The following DSCAM variants were observed in gnomAD, a reference collection of about 807,000 sequenced individuals.
DSCAM encodes the protein cell adhesion molecule DSCAM.
DSCAM carries 47 observed loss-of-function variants against 217.7 expected under a neutral mutation model. The observed-to-expected ratio is 0.22, with a 90% CI of 0.17 to 0.28. The LOEUF (loss-of-function observed/expected upper bound fraction) is 0.28, where lower values mean the gene tolerates loss of function less well. Among genes scored for constraint, DSCAM ranks in the 10% least tolerant of loss-of-function variants. DSCAM has a pLI of 1.00. For missense variants in DSCAM, 2,080 were observed against 2,618.3 expected (o/e 0.79, Z 4.49); for synonymous variants, 1,056 against 1,015.3 (o/e 1.04, Z -0.76).
intron 11 of DSCAM, among the ~76,000 whole-genome samples, chr21:40,252,033 G>A (rs543130230): frequency 1.6e-3 from 236 of 152,226 alleles, no homozygotes; most frequent in Non-Finnish European, 2.5e-3. Context: ...ATCCCCACTT[G>A]AGCCTTCAGA....
In DSCAM at chr21:40,144,323, C is replaced by G. The variant is rs904617560; in HGVS notation, c.3259+168G>C. Among the ~76,000 whole-genome samples the G allele has an allele frequency of 1.3e-5, 2 of 152,058 alleles. No individual in the cohort carries two copies. Among genetic ancestry groups the G allele is most frequent in the African/African-American group, 4.8e-5 (2 of 41,418 alleles). Reference sequence around the variant, plus strand: ...CCCTGCCCCAGGGCGGGCAGATCAGCGGGGTGGGCGAGGTCACGAGGGAAG... The same window carrying G: ...CCCTGCCCCAGGGCGGGCAGATCAGGGGGGTGGGCGAGGTCACGAGGGAAG... On this transcript the variant is annotated intron_variant, in intron 17 of 32. Coordinates refer to ENST00000400454, the MANE Select transcript of DSCAM (RefSeq NM_001389.5). This position sits in a 1 kb window ranked among gnomAD's most constrained non-coding sequence, Gnocchi z 4.8.
intron 29 of DSCAM, among the ~76,000 whole-genome samples, 168 bp from the exon 30 acceptor site, chr21:40,052,275 A>G (rs957260928): frequency 6.6e-6 from 1 of 152,204 alleles, no homozygotes; most frequent in African/African-American, 2.4e-5. Context: ...AATTAGCATT[A>G]CTCTAGAGTG....
intron 10 of DSCAM, among the ~76,000 whole-genome samples, chr21:40,294,697 T>C (rs899009602): frequency 6.6e-6 from 1 of 152,194 alleles, no homozygotes. Context: ...TCATGGAAAA[T>C]GTCCATAATA....
At position 40,079,995 on chromosome 21, in the gene DSCAM, G is replaced by C. The variant is rs114967565; in HGVS notation, c.4420+157C>G. Among the ~76,000 whole-genome samples, 479 of 152,132 alleles carry C rather than the reference G, an allele frequency of 3.1e-3. 5 individuals carry two copies. The highest frequency in any genetic ancestry group is 0.011 in the African/African-American group (466 of 41,498). ...CCAGAACACTCTGGAAGGTCCAGCT[G>C]TCCCTCTCATTATGCCGTGGCACTG... is the stretch of plus-strand genomic sequence containing the variant. On this transcript the variant is annotated intron_variant, in intron 25 of 32. Transcript: ENST00000400454.
At chr21:40,589,617 C>G (rs1271921859) in intron 3 of DSCAM, among the ~76,000 whole-genome samples, 1 of 152,064 alleles carries the variant, frequency 6.6e-6, no homozygotes, top group Non-Finnish European at 1.5e-5. Flanking sequence ...AAAAAACCAA[C>G]TAATAAATTA....
chr21:40,242,279 G>T (rs957192013), intron 11 of DSCAM, among the ~76,000 whole-genome samples: 1 of 152,160 alleles, frequency 6.6e-6, no homozygotes, highest in African/African-American at 2.4e-5. Context: ...TGTGGTGATC[G>T]TGAGTGCTGT....
chr21:40,675,135 A>G (rs1042341162), intron 3 of DSCAM, among the ~76,000 whole-genome samples: 1 of 152,148 alleles, frequency 6.6e-6, no homozygotes, highest in African/African-American at 2.4e-5. Context: ...ATGGCATGGC[A>G]TGGGAAGGAG....
At chr21:40,698,013 T>C (rs1255835224) in intron 2 of DSCAM, among the ~76,000 whole-genome samples, 1 of 152,238 alleles carries the variant, frequency 6.6e-6, no homozygotes, top group East Asian at 1.9e-4. Context: ...ATTTCTTTCA[T>C]ACTTCTTTAT....
intron 27 of DSCAM, among the ~76,000 whole-genome samples, chr21:40,063,689 G>A (rs574238691): frequency 2.6e-5 from 4 of 152,228 alleles, no homozygotes; most frequent in East Asian, 1.9e-4. Context: ...AGAACTTTCC[G>A]GAAATGGACT....
intron 16 of DSCAM, among the ~76,000 whole-genome samples, chr21:40,162,960 AG>A (rs1359527756): frequency 6.6e-6 from 1 of 152,180 alleles, no homozygotes; most frequent in Non-Finnish European, 1.5e-5. Context: ...TTATATCAAT[AG>A]GAAAAAAACT....
intron 1 of DSCAM, among the ~76,000 whole-genome samples, chr21:40,725,610 A>C (rs2090947957): frequency 6.6e-6 from 1 of 152,238 alleles, no homozygotes; most frequent in East Asian, 1.9e-4. Context: ...GTGTGCTCAC[A>C]CAGCACTGAG....
At chr21:40,746,843 T>A (rs918279845) in intron 1 of DSCAM, among the ~76,000 whole-genome samples, 19 of 151,908 alleles carry the variant, frequency 1.3e-4, no homozygotes, top group African/African-American at 4.1e-4. Flanking sequence ...AGAAATTTTT[T>A]AAAAATCAAA....
In DSCAM at chr21:40,012,945, T is replaced by C. The variant is rs762563337; in HGVS notation, c.*89A>G. Reference sequence around the variant, plus strand: ...AATATATTTTGGCAATTTTCTTTAATTATAAATATTGGAATTCCGTAAAAA... The same window carrying C: ...AATATATTTTGGCAATTTTCTTTAACTATAAATATTGGAATTCCGTAAAAA... On this transcript the variant is annotated 3_prime_UTR_variant, in exon 33 of 33. Transcript: ENST00000400454. The C allele has an allele frequency of 4.1e-4, 408 of 994,072 alleles. 1 individual carries two copies. The highest frequency in any genetic ancestry group is 4.8e-4 in the Non-Finnish European group (357 of 748,048). 61.6% of individuals were successfully genotyped at this position (994,072 alleles called of 1,614,324 possible).
intron 32 of DSCAM, among the ~76,000 whole-genome samples, chr21:40,033,650 G>C (rs1476508052): frequency 6.6e-6 from 1 of 151,850 alleles, no homozygotes; most frequent in Non-Finnish European, 1.5e-5. Context: ...CAGCCAGGAA[G>C]CTCGAACTGG....
chr21:40,366,891 G>A (rs536129732), intron 4 of DSCAM, among the ~76,000 whole-genome samples: 67 of 152,224 alleles, frequency 4.4e-4, no homozygotes, highest in African/African-American at 1.4e-3. Flanking sequence ...AAGGCTGTGC[G>A]TGTTGTATTT....
intron 29 of DSCAM, among the ~76,000 whole-genome samples, chr21:40,053,838 G>A (rs1007550233): frequency 6.6e-6 from 1 of 152,190 alleles, no homozygotes; most frequent in Non-Finnish European, 1.5e-5. Flanking sequence ...GAAGGCCATA[G>A]ACCACTCATG....
intron 32 of DSCAM, among the ~76,000 whole-genome samples, chr21:40,041,849 GAC>G (rs1568907619): frequency 6.6e-6 from 1 of 152,090 alleles, no homozygotes. Flanking sequence ...TCACATTTTT[GAC>G]AGTCTTCTCA....
chr21:40,532,868 CTGTG>C (rs58575678), intron 3 of DSCAM, among the ~76,000 whole-genome samples: 27,194 of 145,546 alleles, frequency 0.19, 2,620 homozygotes, highest in African/African-American at 0.24. Flanking sequence ...CCACAAGGCT[CTGTG>C]TGTGTGTGTG....
chr21:40,281,449 T>C (rs1340655099), intron 10 of DSCAM, among the ~76,000 whole-genome samples: 1 of 152,184 alleles, frequency 6.6e-6, no homozygotes, highest in African/African-American at 2.4e-5. Flanking sequence ...CATCAATCAG[T>C]GCATCAGTGG....
Sources: allele counts gnomAD v4.1 joint callset (sites outside exome capture counted in the v4.1 genomes callset), GRCh38; gene constraint gnomAD v4.1.1; non-coding constraint Gnocchi (gnomAD v3.1); transcripts MANE v1.5; gene names NCBI Gene and HGNC (gene_info 2026-07-23, HGNC 2026-07-21).